The following LMTK2 variants were observed in gnomAD, a reference collection of about 807,000 sequenced individuals.
LMTK2 encodes the protein lemur tail kinase 2, also known as serine/threonine-protein kinase LMTK2.
LMTK2 carries 37 observed loss-of-function variants against 127.5 expected under a neutral mutation model. The ratio of observed to expected loss-of-function variants is 0.29; its 90% confidence interval spans 0.22 to 0.38. The LOEUF is 0.38. Among genes scored for constraint, LMTK2 ranks in the 10% least tolerant of loss-of-function variants. LMTK2 has a pLI of 1.00. For synonymous variants in LMTK2, 819 were observed against 810.1 expected (o/e 1.01, Z -0.19); for missense variants, 1,694 against 1,920.3 (o/e 0.88, Z 2.20).
intron 1 of LMTK2, among the ~76,000 whole-genome samples, chr7:98,121,485 T>G (rs1173114155): frequency 6.6e-6 from 1 of 150,652 alleles, no homozygotes; most frequent in Admixed American, 6.6e-5. Flanking sequence ...AAAAAAAAAT[T>G]AGCCTGGCAT....
chr7:98,121,685 GA>G lies in LMTK2; in HGVS notation c.103+14412del, dbSNP rs369269456. On this transcript the variant is annotated intron_variant, in intron 1 of 13. Transcript: ENST00000297293. Reference sequence around the variant, plus strand: ...AAGTGCTAGCTTCCATAATTAGGCTGAAAAAAATCACATTCATATTGTTTTT... The same window carrying G: ...AAGTGCTAGCTTCCATAATTAGGCTGAAAAAATCACATTCATATTGTTTTT... 4.6e-5 allele frequency among the ~76,000 whole-genome samples: 7 copies of G among 151,090 alleles called. No homozygotes were observed. The East Asian group carries it at 1.4e-3, about 30-fold the overall frequency.
chr7:98,179,357 T>A (rs1156438076), intron 7 of LMTK2, among the ~76,000 whole-genome samples: 1 of 152,164 alleles, frequency 6.6e-6, no homozygotes, highest in Non-Finnish European at 1.5e-5. Flanking sequence ...CTTGTTGGGA[T>A]GCTGGCATCC....
At chr7:98,172,322 T>C (rs1302554340) in intron 7 of LMTK2, among the ~76,000 whole-genome samples, 1 of 147,970 alleles carries the variant, frequency 6.8e-6, no homozygotes, top group African/African-American at 2.5e-5. Flanking sequence ...TTTTTTTTTT[T>C]GAGACGGAGT....
intron 1 of LMTK2, among the ~76,000 whole-genome samples, chr7:98,115,240 C>A (rs575830049): frequency 6.6e-6 from 1 of 151,756 alleles, no homozygotes; most frequent in East Asian, 2.0e-4. Flanking sequence ...CACGGAGAAA[C>A]CCCGTCTATA....
intron 1 of LMTK2, among the ~76,000 whole-genome samples, chr7:98,121,918 T>G (rs143929840): frequency 3.9e-5 from 6 of 152,006 alleles, no homozygotes; most frequent in African/African-American, 9.6e-5. Context: ...GGTGGGAGGA[T>G]CACTTGAGCC....
Position 98,107,206 on chromosome 7 carries a change from GGCTGCT to G in LMTK2, c.43_48del (p.Leu15_Leu16del), listed in dbSNP as rs146333850. The G allele has an allele frequency of 7.8e-5, 114 of 1,455,554 alleles. No homozygotes were observed. Among genetic ancestry groups the G allele is most frequent in the South Asian group, 2.5e-4 (19 of 75,058 alleles). The allele number at this position is 1,455,554 out of a possible 1,614,324, so 90.2% of individuals were successfully genotyped here. ...CCGGGGCCGCCGGCGTTGCGGCGGA[GGCTGCT>G]GCTGCTGCTGCTGGTCCTCCTGATC... On this transcript the variant is annotated inframe_deletion, in exon 1 of 14. Coordinates refer to ENST00000297293, the MANE Select transcript of LMTK2 (RefSeq NM_014916.4).
In LMTK2 at chr7:98,163,466, T is replaced by A. The variant is rs1797043434; in HGVS notation, c.657+4041T>A. On this transcript the variant is annotated intron_variant, in intron 6 of 13. Transcript: ENST00000297293. ...TCATAAACACAGGGTGCCACCAACT[T>A]GTCCAGCAGTGGGAGGTCACATTGT... 3.9e-5 allele frequency among the ~76,000 whole-genome samples: 6 copies of A among 152,176 alleles called. No homozygotes were observed. In the South Asian group the frequency reaches 1.2e-3, roughly 32 times the overall value.
At chr7:98,108,406 A>T (rs1796149293) in intron 1 of LMTK2, among the ~76,000 whole-genome samples, 1 of 152,208 alleles carries the variant, frequency 6.6e-6, no homozygotes, top group Admixed American at 6.5e-5. Context: ...CATATTTTTC[A>T]AACAAATCTA....
intron 7 of LMTK2, among the ~76,000 whole-genome samples, chr7:98,175,605 G>A (rs545231256): frequency 6.6e-5 from 10 of 152,284 alleles, no homozygotes; most frequent in African/African-American, 1.2e-4. Context: ...AAACCAAACC[G>A]GAATTCATAT....
intron 1 of LMTK2, among the ~76,000 whole-genome samples, chr7:98,124,039 G>T (rs940425433): frequency 6.6e-6 from 1 of 152,046 alleles, no homozygotes; most frequent in African/African-American, 2.4e-5. Context: ...CCCCTGCATT[G>T]TCTGTTTCCC....
At chr7:98,160,871 A>G (rs1797005751) in intron 6 of LMTK2, among the ~76,000 whole-genome samples, 1 of 152,260 alleles carries the variant, frequency 6.6e-6, no homozygotes, top group Non-Finnish European at 1.5e-5. Flanking sequence ...AAGCATTAAT[A>G]AAGATAAAGT....
In LMTK2 at chr7:98,194,675, C is replaced by A; in HGVS notation, c.4107+103C>A. On this transcript the variant is annotated intron_variant, in intron 11 of 13. Transcript: ENST00000297293. The surrounding 1 kb of genome is among the most constrained non-coding windows in gnomAD (Gnocchi z 5.4). Reference sequence around the variant, plus strand: ...CTGTTTTCTAGTTGCCATTTTGAGGCAGCAGATTGTGATTACTCACAAAAA... The same window carrying A: ...CTGTTTTCTAGTTGCCATTTTGAGGAAGCAGATTGTGATTACTCACAAAAA... The A allele has an allele frequency of 1.8e-6, 2 of 1,086,268 alleles. No homozygotes were observed. The highest frequency in any genetic ancestry group is 2.6e-6 in the Non-Finnish European group (2 of 776,810). The allele number at this position is 1,086,268 out of a possible 1,614,324, so 67.3% of individuals were successfully genotyped here.
intron 3 of LMTK2, among the ~76,000 whole-genome samples, chr7:98,142,615 T>G (rs1796715672): frequency 6.6e-6 from 1 of 152,190 alleles, no homozygotes; most frequent in African/African-American, 2.4e-5. Flanking sequence ...CTGGAGAGAC[T>G]TCTCAGAGCT....
chr7:98,170,697 T>G (rs1201131159), intron 6 of LMTK2, among the ~76,000 whole-genome samples: 2 of 152,196 alleles, frequency 1.3e-5, no homozygotes, highest in Non-Finnish European at 2.9e-5. Flanking sequence ...TTTAATCATA[T>G]GGTAAGGAGA....
chr7:98,130,376 C>G (rs560231189), intron 1 of LMTK2, among the ~76,000 whole-genome samples: 1 of 152,282 alleles, frequency 6.6e-6, no homozygotes, highest in African/African-American at 2.4e-5. Context: ...ACTCTGTCCC[C>G]CAGCCACTCT....
intron 1 of LMTK2, among the ~76,000 whole-genome samples, chr7:98,110,645 C>T (rs1796188653): frequency 1.3e-5 from 2 of 152,274 alleles, no homozygotes; most frequent in South Asian, 2.1e-4. Context: ...ACATCATAAA[C>T]GGGGACTAGA....
At position 98,171,099 on chromosome 7, in the gene LMTK2, A is replaced by G. The variant is rs1180226486; in HGVS notation, c.658-442A>G. On this transcript the variant is annotated intron_variant, in intron 6 of 13. Coordinates refer to ENST00000297293, the MANE Select transcript of LMTK2 (RefSeq NM_014916.4). This position sits in a 1 kb window ranked among gnomAD's most constrained non-coding sequence, Gnocchi z 5.1. ...TTTTTCTTTCCTTCTCTCCCGCTCC[A>G]TTGCTCCTCCAAGCTTTGGCAGTAA... 1.3e-5 allele frequency among the ~76,000 whole-genome samples: 2 copies of G among 151,966 alleles called. No homozygotes were observed. Among genetic ancestry groups the G allele is most frequent in the Non-Finnish European group, 2.9e-5 (2 of 68,010 alleles).
At chr7:98,114,777 A>G (rs923559952) in intron 1 of LMTK2, among the ~76,000 whole-genome samples, 14 of 152,014 alleles carry the variant, frequency 9.2e-5, no homozygotes, top group African/African-American at 2.7e-4. Flanking sequence ...GCAAATTCCC[A>G]TCTTCTGGCT....
intron 1 of LMTK2, among the ~76,000 whole-genome samples, chr7:98,132,185 CATG>C (rs999227358): frequency 5.9e-5 from 9 of 152,088 alleles, no homozygotes; most frequent in Non-Finnish European, 8.8e-5. Context: ...TCCATTAGCT[CATG>C]ATGATACCAC....
Sources: allele counts gnomAD v4.1 joint callset (sites outside exome capture counted in the v4.1 genomes callset), GRCh38; gene constraint gnomAD v4.1.1; non-coding constraint Gnocchi (gnomAD v3.1); transcripts MANE v1.5; gene names NCBI Gene and HGNC (gene_info 2026-07-23, HGNC 2026-07-21).